INVS: variants seen among roughly 807,000 people sequenced by gnomAD.
The protein encoded by INVS is inversin.
In INVS, 86 loss-of-function variants were observed where a neutral mutation model predicts 108.8. That is an observed-to-expected ratio of 0.79 (90% CI 0.66 to 0.95). The LOEUF is 0.95. Among genes scored for constraint, INVS ranks in the 40% least tolerant of loss-of-function variants. The pLI, the probability that INVS is intolerant of heterozygous loss-of-function variation, is 0.00. For missense variants in INVS, 1,169 were observed against 1,297.4 expected, an observed-to-expected ratio of 0.90 and a Z score of 1.52; for synonymous variants, 455 against 473.5, an observed-to-expected ratio of 0.96 and a Z score of 0.51.
At chr9:100,169,145 T>C (rs568160539) in intron 3 of INVS, among the ~76,000 whole-genome samples, 85 of 152,328 alleles carry the variant, frequency 5.6e-4, no homozygotes, top group African/African-American at 2.0e-3. Context: ...TGGTTTCCTA[T>C]AAAACAAATC....
At chr9:100,113,911 A>G (rs1218027362) in intron 2 of INVS, among the ~76,000 whole-genome samples, 1 of 152,164 alleles carries the variant, frequency 6.6e-6, no homozygotes, top group Non-Finnish European at 1.5e-5. Flanking sequence ...CACTTCCTCC[A>G]TTAGCACAGT....
At chr9:100,271,201 A>G (rs190176282) in intron 11 of INVS, among the ~76,000 whole-genome samples, 126 of 152,352 alleles carry the variant, frequency 8.3e-4, no homozygotes, top group South Asian at 3.7e-3. Context: ...TACATTTTTC[A>G]TAGATAAACA....
At chr9:100,126,789 A>G (rs1827898944) in intron 3 of INVS, among the ~76,000 whole-genome samples, 1 of 150,822 alleles carries the variant, frequency 6.6e-6, no homozygotes, top group Non-Finnish European at 1.5e-5. Context: ...GTTTATTGGG[A>G]AAAAAGTGAT....
Position 100,198,264 on chromosome 9 carries a change from ATTTTTTTTTTTTTTTTTTTTTTTTTTTTT to A in INVS, c.274-27775_274-27747del, listed in dbSNP as rs66710233. 8.6e-4 allele frequency among the ~76,000 whole-genome samples: 56 copies of A among 65,282 alleles called. No individual in the cohort carries two copies. The East Asian group carries it at 0.013, about 15-fold the overall frequency. The allele number at this position is 65,282 out of a possible 152,430, so 42.8% of individuals were successfully genotyped here. A position where few individuals can be genotyped will look rare whatever the true frequency, so the allele number is the denominator to read the frequency against. ...ACACATTTGAAGATTGAGGGCTAGA[ATTTTTTTTTTTTTTTTTTTTTTTTTTTTT>A]TTTTTTTTTTTTTTTTTTTTTTGGA... is the stretch of plus-strand genomic sequence containing the variant. On this transcript the variant is annotated intron_variant, in intron 3 of 16. Transcript: ENST00000262457.
intron 3 of INVS, among the ~76,000 whole-genome samples, chr9:100,177,379 G>A (rs746975874): frequency 3.3e-5 from 5 of 152,178 alleles, no homozygotes; most frequent in South Asian, 2.1e-4. Context: ...CCACTGACTC[G>A]AAATTCTTGC....
At chr9:100,181,637 C>T (rs774671312) in intron 3 of INVS, among the ~76,000 whole-genome samples, 1 of 152,096 alleles carries the variant, frequency 6.6e-6, no homozygotes, top group African/African-American at 2.4e-5. Context: ...AATAGAAAAA[C>T]ATTCCATACT....
chr9:100,204,129 T>A (rs1441738627), intron 3 of INVS, among the ~76,000 whole-genome samples: 4 of 152,202 alleles, frequency 2.6e-5, no homozygotes, highest in African/African-American at 9.6e-5. Context: ...AGAAAGTTGT[T>A]TTATTCATCA....
intron 14 of INVS, among the ~76,000 whole-genome samples, chr9:100,293,584 T>C (rs1833694657): frequency 6.6e-6 from 1 of 152,120 alleles, no homozygotes; most frequent in African/African-American, 2.4e-5. Context: ...ACAGATTGAG[T>C]GACTAAACTG....
intron 8 of INVS, among the ~76,000 whole-genome samples, chr9:100,251,622 A>G (rs1832240057): frequency 6.6e-6 from 1 of 152,044 alleles, no homozygotes; most frequent in African/African-American, 2.4e-5. Flanking sequence ...GTCTAGACCT[A>G]TTGGGTTCAA....
intron 3 of INVS, among the ~76,000 whole-genome samples, chr9:100,192,611 G>A (rs1473017238): frequency 6.6e-6 from 1 of 151,976 alleles, no homozygotes; most frequent in Non-Finnish European, 1.5e-5. Context: ...CATATTTTTT[G>A]CTTTAGTAGA....
chr9:100,165,604 AT>A lies in INVS; in HGVS notation c.273+39063del, dbSNP rs1322904199. 4.6e-5 allele frequency among the ~76,000 whole-genome samples: 7 copies of A among 152,006 alleles called. No individual in the cohort carries two copies. In the East Asian group the frequency reaches 9.6e-4, roughly 21 times the overall value. On this transcript the variant is annotated intron_variant, in intron 3 of 16. Coordinates refer to ENST00000262457, the MANE Select transcript of INVS (RefSeq NM_014425.5). Reference sequence around the variant, plus strand: ...GGCATCCTCCTAGGATAATCAATTAATTTTTTTTCATTTTTAATATCATTAT... The same window carrying A: ...GGCATCCTCCTAGGATAATCAATTAATTTTTTTCATTTTTAATATCATTAT...
At chr9:100,275,389 G>A (rs1588140035) in intron 12 of INVS, among the ~76,000 whole-genome samples, 1 of 152,152 alleles carries the variant, frequency 6.6e-6, no homozygotes, top group African/African-American at 2.4e-5. Flanking sequence ...TATAAGGTGG[G>A]ACTCAACAAA....
intron 2 of INVS, among the ~76,000 whole-genome samples, chr9:100,112,904 T>C (rs1171663584): frequency 6.6e-6 from 1 of 152,186 alleles, no homozygotes; most frequent in Admixed American, 6.5e-5. Flanking sequence ...GGAATGTCTC[T>C]CTAGGCAGAA....
Position 100,100,889 on chromosome 9 carries a change from TATATA to T in INVS, c.-25+1474_-25+1478del, listed in dbSNP as rs1233346414. Among the ~76,000 whole-genome samples, 41 of 57,334 alleles carry T rather than the reference TATATA, an allele frequency of 7.2e-4. 2 individuals are homozygous for T. Among genetic ancestry groups the T allele is most frequent in the Middle Eastern group, 0.015 (1 of 68 alleles). 37.6% of individuals were successfully genotyped at this position (57,334 alleles called of 152,430 possible). On this transcript the variant is annotated intron_variant, in intron 1 of 16. Coordinates refer to ENST00000262457, the MANE Select transcript of INVS (RefSeq NM_014425.5). ...ATATATATTATATATGTATATATAATATATATTATATATGTATATATATTATATGT... is the reference window on the plus strand; with the variant it reads ...ATATATATTATATATGTATATATAATTTATATATGTATATATATTATATGT...
At chr9:100,183,490 A>G (rs943734883) in intron 3 of INVS, among the ~76,000 whole-genome samples, 6 of 152,036 alleles carry the variant, frequency 3.9e-5, no homozygotes, top group Non-Finnish European at 8.8e-5. Flanking sequence ...TCCCAAACAA[A>G]CCTATATTAA....
intron 3 of INVS, among the ~76,000 whole-genome samples, chr9:100,145,796 G>A (rs959416879): frequency 5.9e-5 from 9 of 152,106 alleles, no homozygotes; most frequent in Non-Finnish European, 5.9e-5. Flanking sequence ...TGTGACCAGC[G>A]CCGGAGTTTT....
intron 7 of INVS, among the ~76,000 whole-genome samples, chr9:100,243,167 T>C (rs1831932896): frequency 6.6e-6 from 1 of 152,196 alleles, no homozygotes; most frequent in African/African-American, 2.4e-5. Flanking sequence ...ACTAAGAACA[T>C]CTTAGTGTTC....
intron 5 of INVS, among the ~76,000 whole-genome samples, chr9:100,236,794 G>A (rs534672047): frequency 3.9e-5 from 6 of 152,304 alleles, no homozygotes; most frequent in South Asian, 2.1e-4. Flanking sequence ...GGTGTCTGCC[G>A]ACCCCTGCTG....
chr9:100,181,801 T>C (rs1829895488), intron 3 of INVS, among the ~76,000 whole-genome samples: 3 of 152,128 alleles, frequency 2.0e-5, no homozygotes, highest in South Asian at 2.1e-4. Flanking sequence ...AGAGCCCATA[T>C]AGCCAAGACA....
Sources: allele counts gnomAD v4.1 joint callset (sites outside exome capture counted in the v4.1 genomes callset), GRCh38; gene constraint gnomAD v4.1.1; transcripts MANE v1.5; gene names NCBI Gene and HGNC (gene_info 2026-07-23, HGNC 2026-07-21).